The following LEPR variants were observed in gnomAD, a reference collection of about 807,000 sequenced individuals.
The protein encoded by LEPR is leptin receptor.
A neutral mutation model predicts 114.7 loss-of-function variants in LEPR; 56 were observed. The observed-to-expected ratio is 0.49, with a 90% CI of 0.39 to 0.61. LEPR has a LOEUF of 0.61. LEPR is among the 20% of genes least tolerant of loss of function. The probability of loss-of-function intolerance (pLI) is 0.00; values close to 1 mark genes in which losing one functional copy is unlikely to be tolerated. For synonymous variants in LEPR, 443 were observed against 461.4 expected (o/e 0.96, Z 0.51); for missense variants, 1,202 against 1,352.9 (o/e 0.89, Z 1.75).
chr1:65,548,661 G>A (rs936730868), intron 2 of LEPR, among the ~76,000 whole-genome samples: 4 of 152,006 alleles, frequency 2.6e-5, no homozygotes, highest in African/African-American at 9.7e-5. Context: ...CATTTGCTTG[G>A]TAGATCCTCC....
intron 10 of LEPR, among the ~76,000 whole-genome samples, chr1:65,604,764 A>G (rs1024386764): frequency 6.6e-6 from 1 of 152,200 alleles, no homozygotes; most frequent in Non-Finnish European, 1.5e-5. Context: ...TCAGCGCAGC[A>G]TTAGATTCTT....
At chr1:65,550,534 C>T (rs1447871173) in intron 2 of LEPR, among the ~76,000 whole-genome samples, 1 of 152,214 alleles carries the variant, frequency 6.6e-6, no homozygotes, top group Non-Finnish European at 1.5e-5. Context: ...GTGCCCCTGC[C>T]CCAGCCTCGC....
chr1:65,437,830 T>C (rs923747200), intron 2 of LEPR, among the ~76,000 whole-genome samples: 1 of 151,636 alleles, frequency 6.6e-6, no homozygotes, highest in Non-Finnish European at 1.5e-5. Flanking sequence ...GCCATGTGGA[T>C]TTTAGGGTCT....
At chr1:65,469,922 G>A (rs769268011) in intron 2 of LEPR, among the ~76,000 whole-genome samples, 2 of 152,184 alleles carry the variant, frequency 1.3e-5, no homozygotes, top group Non-Finnish European at 2.9e-5. Flanking sequence ...TGACCTGTGC[G>A]CACAGCACAC....
At chr1:65,568,626 G>A (rs1653941189) in intron 3 of LEPR, among the ~76,000 whole-genome samples, 1 of 152,054 alleles carries the variant, frequency 6.6e-6, no homozygotes, top group Non-Finnish European at 1.5e-5. Flanking sequence ...ATAGTGCTGT[G>A]ACAAACATAT....
intron 2 of LEPR, among the ~76,000 whole-genome samples, chr1:65,470,480 G>T: frequency 6.6e-6 from 1 of 152,168 alleles, no homozygotes; most frequent in Non-Finnish European, 1.5e-5. Context: ...CATTATGTGA[G>T]AAAACACTTA....
Position 65,633,188 on chromosome 1 carries a change from A to G in LEPR, c.2674-3003A>G, listed in dbSNP as rs751217658. The G allele has an allele frequency of 1.2e-6, 2 of 1,609,156 alleles. No individual in the cohort carries two copies. Among genetic ancestry groups the G allele is most frequent in the East Asian group, 2.2e-5 (1 of 44,758 alleles). ...TCTTTGAAGTCTAATCATGATCACTACAGATGAACCCAATGTGCCAACTTC... is the reference window on the plus strand; with the variant it reads ...TCTTTGAAGTCTAATCATGATCACTGCAGATGAACCCAATGTGCCAACTTC... On this transcript the variant is annotated intron_variant, in intron 19 of 19. Coordinates refer to ENST00000349533, the MANE Select transcript of LEPR (RefSeq NM_002303.6). The surrounding 1 kb of genome is among the most constrained non-coding windows in gnomAD (Gnocchi z 4.1).
intron 2 of LEPR, chr1:65,429,959 A>G: frequency 6.3e-7 from 1 of 1,579,176 alleles, no homozygotes; most frequent in South Asian, 1.1e-5. Context: ...TGCAACCAGT[A>G]GTGCCTGTCG....
intron 2 of LEPR, among the ~76,000 whole-genome samples, chr1:65,477,535 G>A (rs1356280341): frequency 1.3e-5 from 2 of 152,190 alleles, no homozygotes; most frequent in Non-Finnish European, 2.9e-5. Context: ...TTTAATGGGT[G>A]GGACCTTGAG....
chr1:65,537,608 A>G (rs937514403), intron 2 of LEPR, among the ~76,000 whole-genome samples: 1 of 151,914 alleles, frequency 6.6e-6, no homozygotes, highest in Non-Finnish European at 1.5e-5. Flanking sequence ...CCACCACGAT[A>G]TTTGTTCCAT....
chr1:65,459,139 A>T lies in LEPR; in HGVS notation c.-21+33761A>T, dbSNP rs577708440. Among the ~76,000 whole-genome samples the T allele has an allele frequency of 2.0e-5, 3 of 152,190 alleles. No homozygotes were observed. The East Asian group carries it at 5.8e-4, about 29-fold the overall frequency. ...TGTAGAAAGATTTTTTTTGTTGTTC[A>T]GTTTCTCTTAGGACAACAGGTCGTT... On this transcript the variant is annotated intron_variant, in intron 2 of 19. Coordinates refer to ENST00000349533, the MANE Select transcript of LEPR (RefSeq NM_002303.6).
At chr1:65,572,544 T>C (rs1319076014) in intron 5 of LEPR, 95 bp downstream of exon 5, 8 of 1,220,088 alleles carry the variant, frequency 6.6e-6, no homozygotes, top group Non-Finnish European at 9.3e-6. Flanking sequence ...CTTGCATCCC[T>C]ACATTTCCTA....
At chr1:65,443,799 CT>C (rs949343353) in intron 2 of LEPR, among the ~76,000 whole-genome samples, 2 of 152,072 alleles carry the variant, frequency 1.3e-5, no homozygotes, top group African/African-American at 4.8e-5. Context: ...AGGAATAGTT[CT>C]GAAAAGCTGT....
chr1:65,587,836 G>A (rs750322404), intron 5 of LEPR, among the ~76,000 whole-genome samples: 1 of 151,568 alleles, frequency 6.6e-6, no homozygotes, highest in Non-Finnish European at 1.5e-5. Context: ...GAAAGACTAG[G>A]GTCTATTTTT....
chr1:65,530,220 AT>A (rs1650288900), intron 2 of LEPR, among the ~76,000 whole-genome samples: 1 of 152,122 alleles, frequency 6.6e-6, no homozygotes, highest in African/African-American at 2.4e-5. Context: ...GATTCCTCCT[AT>A]TCTCTCATAC....
chr1:65,522,842 T>A (rs1248316191), intron 2 of LEPR, among the ~76,000 whole-genome samples: 1 of 151,818 alleles, frequency 6.6e-6, no homozygotes, highest in Non-Finnish European at 1.5e-5. Context: ...TTTAGGGTTT[T>A]TTTTTTTTCC....
At chr1:65,612,848 G>T (rs952733203) in intron 14 of LEPR, among the ~76,000 whole-genome samples, 2 of 152,170 alleles carry the variant, frequency 1.3e-5, no homozygotes, top group Non-Finnish European at 2.9e-5. Flanking sequence ...TCATATTAAG[G>T]ATACATTCTA....
chr1:65,635,293 T>G, intron 19 of LEPR: 2 of 981,064 alleles, frequency 2.0e-6, no homozygotes, highest in Non-Finnish European at 2.4e-6. Flanking sequence ...CAACAGCTTT[T>G]TTTATTTTGC....
chr1:65,514,748 A>T (rs1336129521), intron 2 of LEPR, among the ~76,000 whole-genome samples: 1 of 152,226 alleles, frequency 6.6e-6, no homozygotes. Flanking sequence ...CTATTCTTCA[A>T]ATCACTTTTT....
Sources: gnomAD v4.1 joint callset for allele counts (sites outside exome capture counted in the v4.1 genomes callset) on GRCh38, gnomAD v4.1.1 for gene constraint, Gnocchi (gnomAD v3.1) non-coding constraint, MANE v1.5 for transcripts, NCBI Gene and HGNC (gene_info 2026-07-23, HGNC 2026-07-21) for gene names.